FRAS1: variants seen among roughly 807,000 people sequenced by gnomAD.
FRAS1 encodes Fraser extracellular matrix complex subunit 1, also known as extracellular matrix organizing protein FRAS1.
FRAS1 carries 290 observed loss-of-function variants against 435.2 expected under a neutral mutation model. The ratio of observed to expected loss-of-function variants is 0.67; its 90% CI spans 0.61 to 0.73. The LOEUF (loss-of-function observed/expected upper bound fraction) is 0.73. Among genes scored for constraint, FRAS1 ranks in the 30% least tolerant of loss-of-function variants. The probability of loss-of-function intolerance (pLI) is 0.00; values close to 1 mark genes in which losing one functional copy is unlikely to be tolerated. For missense variants in FRAS1, 4,860 were observed against 5,001.5 expected (o/e 0.97, Z 0.85); for synonymous variants, 1,800 against 1,851.0 (o/e 0.97, Z 0.71).
intron 17 of FRAS1, 127 bp from the exon 18 acceptor site, chr4:78,318,683 C>A: frequency 1.1e-6 from 1 of 893,036 alleles, no homozygotes; most frequent in Non-Finnish European, 1.7e-6. Flanking sequence ...TTGTATAGAA[C>A]ATTAGAAAAA....
At chr4:78,376,029 C>A in intron 26 of FRAS1, 150 bp downstream of exon 26, 1 of 826,510 alleles carries the variant, frequency 1.2e-6, no homozygotes, top group Non-Finnish European at 1.9e-6. Flanking sequence ...GTAAGGGACT[C>A]TTTATAGAAT....
At chr4:78,227,818 C>G (rs1298435299) in intron 2 of FRAS1, among the ~76,000 whole-genome samples, 1 of 152,180 alleles carries the variant, frequency 6.6e-6, no homozygotes, top group Non-Finnish European at 1.5e-5. Context: ...CAAGGATTTT[C>G]AAGGGCAGCA....
intron 61 of FRAS1, among the ~76,000 whole-genome samples, chr4:78,505,546 C>G (rs903319223): frequency 2.0e-5 from 3 of 152,088 alleles, no homozygotes; most frequent in Non-Finnish European, 4.4e-5. Flanking sequence ...GCATGTATCA[C>G]GAAGCTCTTG....
chr4:78,182,110 T>A, intron 2 of FRAS1: 1 of 1,253,894 alleles, frequency 8.0e-7, no homozygotes, highest in Non-Finnish European at 1.1e-6. Flanking sequence ...CAAGAGCGCC[T>A]GCTTCAGCTC....
chr4:78,329,898 A>G (rs900282209), intron 18 of FRAS1, among the ~76,000 whole-genome samples: 1 of 152,222 alleles, frequency 6.6e-6, no homozygotes, highest in Non-Finnish European at 1.5e-5. Context: ...GATTAAGTCT[A>G]TTGGGGGCTC....
At chr4:78,428,472 G>A (rs1322606823) in intron 35 of FRAS1, among the ~76,000 whole-genome samples, 3 of 152,092 alleles carry the variant, frequency 2.0e-5, no homozygotes, top group Non-Finnish European at 4.4e-5. Context: ...GCAGGTGCCC[G>A]CCAACATGCC....
intron 6 of FRAS1, among the ~76,000 whole-genome samples, chr4:78,260,689 C>A (rs938885530): frequency 6.6e-6 from 1 of 152,116 alleles, no homozygotes; most frequent in African/African-American, 2.4e-5. Flanking sequence ...ACTGAATACC[C>A]TTTATTTCCT....
intron 2 of FRAS1, among the ~76,000 whole-genome samples, chr4:78,069,382 G>C (rs1202034867): frequency 6.6e-6 from 1 of 152,188 alleles, no homozygotes; most frequent in African/African-American, 2.4e-5. Context: ...CTAGTATTAC[G>C]CTAACTCTCA....
At chr4:78,365,825 A>T (rs61191095) in intron 22 of FRAS1, among the ~76,000 whole-genome samples, 1 of 151,456 alleles carries the variant, frequency 6.6e-6, no homozygotes, top group African/African-American at 2.4e-5. Context: ...CTAGCAGGGC[A>T]TGGTGGTGCA....
chr4:78,481,036 C>G (rs1719995553), intron 56 of FRAS1, among the ~76,000 whole-genome samples: 1 of 151,554 alleles, frequency 6.6e-6, no homozygotes, highest in African/African-American at 2.4e-5. Context: ...GATTCAAAGC[C>G]AGACCTTTCT....
intron 2 of FRAS1, among the ~76,000 whole-genome samples, chr4:78,112,297 A>T (rs1742775445): frequency 6.6e-6 from 1 of 152,192 alleles, no homozygotes; most frequent in South Asian, 2.1e-4. Flanking sequence ...ACATATTGGG[A>T]ACCTGGCTTT....
chr4:78,389,033 C>A (rs573337849), intron 29 of FRAS1, among the ~76,000 whole-genome samples: 32 of 152,156 alleles, frequency 2.1e-4, no homozygotes, highest in African/African-American at 7.2e-4. Flanking sequence ...TAATACATAA[C>A]CATTCTACAA....
chr4:78,239,023 A>G lies in FRAS1; in HGVS notation c.216+1406A>G, dbSNP rs940652536. On this transcript the variant is annotated intron_variant, in intron 3 of 73. Coordinates refer to ENST00000512123, the MANE Select transcript of FRAS1 (RefSeq NM_025074.7). ...CCATTGATAAATAAAATTTTATGGA[A>G]ACACGGGCTCACTTATTTGTTTATG... Among the ~76,000 whole-genome samples the G allele has an allele frequency of 2.0e-5, 3 of 152,338 alleles. No individual in the cohort carries two copies. The South Asian group carries it at 6.2e-4, about 32-fold the overall frequency.
chr4:78,188,734 G>T (rs372547258), intron 2 of FRAS1, among the ~76,000 whole-genome samples: 27 of 152,238 alleles, frequency 1.8e-4, no homozygotes, highest in East Asian at 1.2e-3. Flanking sequence ...TGCACATTGA[G>T]CTCCAGATTT....
rs1454520335 is a variant in FRAS1, at chr4:78,348,043, G to A, written c.2422+10226G>A. On this transcript the variant is annotated intron_variant, in intron 20 of 73. Transcript: ENST00000512123. The stretch of plus-strand genomic sequence containing the variant: ...GTCTACAGCTCCCAGCGTGAGCGAC[G>A]CAGAAGACGGGTGATTTCTGCATTT... Among the ~76,000 whole-genome samples the A allele has an allele frequency of 2.7e-4, 2 of 7,542 alleles. 1 individual carries two copies. The highest frequency in any genetic ancestry group is 5.8e-4 in the Non-Finnish European group (2 of 3,446). 4.9% of individuals were successfully genotyped at this position (7,542 alleles called of 152,430 possible).
chr4:78,195,540 C>G (rs973746377), intron 2 of FRAS1, among the ~76,000 whole-genome samples: 3 of 152,244 alleles, frequency 2.0e-5, no homozygotes, highest in African/African-American at 7.2e-5. Flanking sequence ...TAGCAATGAG[C>G]AAGGCTCTGT....
At chr4:78,441,087 C>T (rs570219290) in intron 40 of FRAS1, 75 bp from the exon 41 acceptor site, 2 of 1,512,184 alleles carry the variant, frequency 1.3e-6, no homozygotes, top group African/African-American at 1.4e-5. Context: ...CCAGGCAGCA[C>T]TTTGCAATCC....
intron 38 of FRAS1, 45 bp from the exon 39 acceptor site, chr4:78,438,525 C>A: frequency 6.2e-7 from 1 of 1,607,072 alleles, no homozygotes; most frequent in South Asian, 1.1e-5. Context: ...AGTGTTTATT[C>A]CTGCAAATGT....
chr4:78,417,298 AT>A (rs1733588750), intron 32 of FRAS1, among the ~76,000 whole-genome samples: 1 of 152,154 alleles, frequency 6.6e-6, no homozygotes. Context: ...TCACTTTATT[AT>A]TTTAAGGACA....
Sources: allele counts gnomAD v4.1 joint callset (sites outside exome capture counted in the v4.1 genomes callset), GRCh38; gene constraint gnomAD v4.1.1; transcripts MANE v1.5; gene names NCBI Gene and HGNC (gene_info 2026-07-23, HGNC 2026-07-21).